Variants in PHLPP1 observed in about 807,000 individuals in gnomAD.
PHLPP1 encodes the protein PH domain and leucine rich repeat protein phosphatase 1, also known as PH domain leucine-rich repeat-containing protein phosphatase 1.
In PHLPP1, 42 loss-of-function variants were observed where a neutral mutation model predicts 117.2. The observed-to-expected ratio is 0.36, with a 90% confidence interval of 0.28 to 0.46. The LOEUF is 0.46. Among genes scored for constraint, PHLPP1 ranks in the 20% least tolerant of loss-of-function variants. The pLI, the probability that PHLPP1 is intolerant of heterozygous loss-of-function variation, is 1.00. For missense variants in PHLPP1, 2,084 were observed against 2,241.9 expected, an observed-to-expected ratio of 0.93 and a Z score of 1.42; for synonymous variants, 1,042 against 970.7, an observed-to-expected ratio of 1.07 and a Z score of -1.37.
intron 1 of PHLPP1, among the ~76,000 whole-genome samples, chr18:62,787,716 C>T (rs1360990130): frequency 1.3e-5 from 2 of 151,690 alleles, no homozygotes; most frequent in African/African-American, 4.9e-5. Flanking sequence ...AATTACTTTG[C>T]CTTCATATTT....
intron 1 of PHLPP1, among the ~76,000 whole-genome samples, chr18:62,795,613 A>T (rs1568119886): frequency 6.6e-6 from 1 of 151,960 alleles, no homozygotes; most frequent in Admixed American, 6.6e-5. Flanking sequence ...CCTCTTCTCT[A>T]CAGGAATCTT....
intron 1 of PHLPP1, among the ~76,000 whole-genome samples, chr18:62,756,829 G>C (rs187095690): frequency 1.1e-4 from 16 of 152,276 alleles, no homozygotes; most frequent in Admixed American, 9.8e-4. Flanking sequence ...TTAGGGGCAG[G>C]GTTGACTTTC....
chr18:62,822,726 C>T (rs1332873694), intron 1 of PHLPP1, among the ~76,000 whole-genome samples: 3 of 152,192 alleles, frequency 2.0e-5, no homozygotes, highest in Non-Finnish European at 1.5e-5. Context: ...CAGATTGTAA[C>T]TGTGCTTTTT....
chr18:62,835,349 G>A (rs964239680), intron 2 of PHLPP1, among the ~76,000 whole-genome samples: 1 of 151,178 alleles, frequency 6.6e-6, no homozygotes, highest in Non-Finnish European at 1.5e-5. Context: ...GACTACAGGC[G>A]CATGCCACCA....
chr18:62,804,854 CTA>C (rs1491392577), intron 1 of PHLPP1, among the ~76,000 whole-genome samples: 1 of 147,530 alleles, frequency 6.8e-6, no homozygotes, highest in Non-Finnish European at 1.5e-5. Context: ...ATAATATACA[CTA>C]TATATTATAC....
intron 1 of PHLPP1, among the ~76,000 whole-genome samples, chr18:62,803,308 C>T (rs1164371677): frequency 6.6e-6 from 1 of 152,064 alleles, no homozygotes; most frequent in African/African-American, 2.4e-5. Context: ...TCTTCATCAC[C>T]AAGTGGTTAC....
At chr18:62,836,739 AT>A (rs1367136715) in intron 2 of PHLPP1, among the ~76,000 whole-genome samples, 324 of 150,232 alleles carry the variant, frequency 2.2e-3, no homozygotes, top group Non-Finnish European at 4.0e-3. Flanking sequence ...TTTTTGAGAC[AT>A]TAAAAAAAAA....
At chr18:62,730,608 G>A (rs1911200228) in intron 1 of PHLPP1, among the ~76,000 whole-genome samples, 1 of 152,056 alleles carries the variant, frequency 6.6e-6, no homozygotes, top group Non-Finnish European at 1.5e-5. Flanking sequence ...GATCACCTGA[G>A]GTCAGGAGTT....
chr18:62,793,210 T>C (rs755814420), intron 1 of PHLPP1, among the ~76,000 whole-genome samples: 2 of 152,110 alleles, frequency 1.3e-5, no homozygotes, highest in African/African-American at 2.4e-5. Flanking sequence ...TGTATAAAGC[T>C]TATCGAGTGA....
intron 1 of PHLPP1, among the ~76,000 whole-genome samples, chr18:62,771,711 A>G (rs372099510): frequency 3.9e-5 from 6 of 152,212 alleles, no homozygotes; most frequent in African/African-American, 1.2e-4. Flanking sequence ...TGTTTCCTCT[A>G]GAGTCATCTG....
intron 4 of PHLPP1, among the ~76,000 whole-genome samples, chr18:62,883,756 G>A (rs1020488661): frequency 3.3e-5 from 5 of 152,144 alleles, no homozygotes; most frequent in African/African-American, 1.2e-4. Flanking sequence ...ATAACATGGT[G>A]CATATACTGT....
intron 1 of PHLPP1, among the ~76,000 whole-genome samples, chr18:62,737,868 A>G (rs527785153): frequency 9.9e-5 from 15 of 152,258 alleles, no homozygotes; most frequent in Middle Eastern, 3.4e-3. Flanking sequence ...ATTGTTTACA[A>G]TGTAGAATTG....
At chr18:62,832,741 CTG>C (rs1568131455) in intron 2 of PHLPP1, among the ~76,000 whole-genome samples, 1 of 142,376 alleles carries the variant, frequency 7.0e-6, no homozygotes, top group East Asian at 1.9e-4. Flanking sequence ...TAATTTTTGT[CTG>C]TTGTTGTTTT....
chr18:62,939,485 G>A lies in PHLPP1; in HGVS notation c.2961-2233G>A, dbSNP rs181793608. ...GACTCATAAAAATACTCTAAACAGC[G>A]ATGGTAAACAACTATGTTGCTGAAA... On this transcript the variant is annotated intron_variant, in intron 10 of 16. Coordinates refer to ENST00000262719, the MANE Select transcript of PHLPP1 (RefSeq NM_194449.4). 1.4e-4 allele frequency among the ~76,000 whole-genome samples: 22 copies of A among 152,254 alleles called. No individual in the cohort carries two copies. In the East Asian group the frequency reaches 4.2e-3, roughly 29 times the overall value.
chr18:62,825,818 T>G (rs1914598205), intron 1 of PHLPP1, among the ~76,000 whole-genome samples: 1 of 152,134 alleles, frequency 6.6e-6, no homozygotes, highest in African/African-American at 2.4e-5. Flanking sequence ...CTTTTTTTAT[T>G]GGAAAAAATG....
intron 2 of PHLPP1, among the ~76,000 whole-genome samples, chr18:62,834,574 G>A (rs997326803): frequency 6.6e-6 from 1 of 152,106 alleles, no homozygotes; most frequent in Non-Finnish European, 1.5e-5. Context: ...ATCTACTTTC[G>A]CAAGATGATA....
chr18:62,717,696 A>G (rs966545623), intron 1 of PHLPP1, among the ~76,000 whole-genome samples: 4 of 152,172 alleles, frequency 2.6e-5, no homozygotes, highest in African/African-American at 4.8e-5. Context: ...TTGACTGTCC[A>G]GTTGAGCGTT....
At chr18:62,794,080 G>GCT (rs1251274562) in intron 1 of PHLPP1, among the ~76,000 whole-genome samples, 1 of 152,034 alleles carries the variant, frequency 6.6e-6, no homozygotes. Context: ...AGGTTATGTG[G>GCT]CTCTCATGGA....
chr18:62,972,299 G>A (rs1911073144), intron 14 of PHLPP1, among the ~76,000 whole-genome samples: 1 of 152,184 alleles, frequency 6.6e-6, no homozygotes. Flanking sequence ...AAGCATGTAG[G>A]AAGGCATGTG....
Sources: allele counts gnomAD v4.1 joint callset (sites outside exome capture counted in the v4.1 genomes callset), GRCh38; gene constraint gnomAD v4.1.1; transcripts MANE v1.5; gene names NCBI Gene and HGNC (gene_info 2026-07-23, HGNC 2026-07-21).